The following TRPV4 variants were observed in gnomAD, a reference collection of about 807,000 sequenced individuals.
TRPV4 encodes the protein transient receptor potential cation channel subfamily V member 4, also known as OSM9-like transient receptor potential channel 4.
A neutral mutation model predicts 84.1 loss-of-function variants in TRPV4; 58 were observed. That is an observed-to-expected ratio of 0.69 (90% CI 0.56 to 0.86). The LOEUF (loss-of-function observed/expected upper bound fraction) is 0.86, where lower values mean the gene tolerates loss of function less well. Among genes scored for constraint, TRPV4 ranks in the 40% least tolerant of loss-of-function variants. The pLI, the probability that TRPV4 is intolerant of heterozygous loss-of-function variation, is 0.00. For synonymous variants in TRPV4, 489 were observed against 500.9 expected (o/e 0.98, Z 0.32); for missense variants, 879 against 1,181.1 (o/e 0.74, Z 3.75).
intron 3 of TRPV4, among the ~76,000 whole-genome samples, chr12:109,807,297 C>G (rs1375695938): frequency 1.3e-5 from 2 of 149,392 alleles, no homozygotes; most frequent in African/African-American, 4.9e-5. Context: ...AAAAAAGCCT[C>G]TTCTGACATC....
intron 5 of TRPV4, among the ~76,000 whole-genome samples, chr12:109,800,306 C>T (rs1013695388): frequency 1.3e-5 from 2 of 152,160 alleles, no homozygotes; most frequent in Non-Finnish European, 2.9e-5. Flanking sequence ...TCTCAAACTC[C>T]TGCCCTCAAG....
intron 2 of TRPV4, among the ~76,000 whole-genome samples, chr12:109,812,512 T>G (rs928005418): frequency 6.6e-6 from 1 of 152,018 alleles, no homozygotes; most frequent in Non-Finnish European, 1.5e-5. Flanking sequence ...GATGGATGGA[T>G]GAATAGATGC....
At chr12:109,828,462 C>T (rs1892326057) in intron 1 of TRPV4, among the ~76,000 whole-genome samples, 1 of 152,160 alleles carries the variant, frequency 6.6e-6, no homozygotes, top group African/African-American at 2.4e-5. Context: ...GGTGCCAGCT[C>T]ATGGGCTGCA....
At chr12:109,821,189 C>A (rs1442076737) in intron 1 of TRPV4, among the ~76,000 whole-genome samples, 1 of 152,254 alleles carries the variant, frequency 6.6e-6, no homozygotes, top group African/African-American at 2.4e-5. Flanking sequence ...ATCCAGGGAG[C>A]TGGTTTCTCC....
intron 12 of TRPV4, among the ~76,000 whole-genome samples, chr12:109,789,255 G>A (rs1889889508): frequency 6.6e-6 from 1 of 152,170 alleles, no homozygotes; most frequent in Admixed American, 6.5e-5. Flanking sequence ...CTGGCATCAG[G>A]TGGGTGGAGG....
chr12:109,799,346 G>A (rs1286053383), intron 5 of TRPV4, among the ~76,000 whole-genome samples: 3 of 151,960 alleles, frequency 2.0e-5, no homozygotes, highest in Non-Finnish European at 2.9e-5. Flanking sequence ...GCAGGATTTC[G>A]CCATGTTGGC....
chr12:109,814,916 C>T lies in TRPV4; in HGVS notation c.-31-89G>A. 1 of 1,261,028 alleles carries T rather than the reference C, an allele frequency of 7.9e-7. No homozygotes were observed. The highest frequency in any genetic ancestry group is 1.1e-6 in the Non-Finnish European group (1 of 915,166). 78.1% of individuals were successfully genotyped at this position (1,261,028 alleles called of 1,614,324 possible). ...CCTCCCACGTGGACAAGCAGCAGTGCTGCCAGCTGCTTCAAAGCCACCGTT... is the reference window on the plus strand; with the variant it reads ...CCTCCCACGTGGACAAGCAGCAGTGTTGCCAGCTGCTTCAAAGCCACCGTT... On this transcript the variant is annotated intron_variant, in intron 1 of 15. Transcript: ENST00000261740. This position sits in a 1 kb window ranked among gnomAD's most constrained non-coding sequence, Gnocchi z 5.4.
chr12:109,814,616 C>A lies in TRPV4; in HGVS notation c.181G>T (p.Gly61Cys). 1 of 1,614,042 alleles carries A rather than the reference C, an allele frequency of 6.2e-7. No homozygotes were observed. The highest frequency in any genetic ancestry group is 8.5e-7 in the Non-Finnish European group (1 of 1,179,998). ...ATGCGCAGATTTGGTCGCCCATCGC[C>A]TGGGCCAGCAGGGCGACTGGCATCA... ...PADASRPAGPGDGRPNLRMKF... is the reference protein window; with the variant it reads ...PADASRPAGPCDGRPNLRMKF... Residue 61 changes from glycine (G) to cysteine (C), a missense_variant, in exon 2 of 16, where the codon GGC becomes TGC. This residue lies in a region of TRPV4 where 107 missense variants were observed against 99.4 expected (regional missense o/e 1.08). Transcript: ENST00000261740. This position sits in a 1 kb window ranked among gnomAD's most constrained non-coding sequence, Gnocchi z 5.4.
intron 1 of TRPV4, among the ~76,000 whole-genome samples, chr12:109,818,766 C>T (rs1891969828): frequency 6.6e-6 from 1 of 152,132 alleles, no homozygotes; most frequent in African/African-American, 2.4e-5. Flanking sequence ...TGATATGGTC[C>T]TGATTTACCT....
rs192553102 is a variant in TRPV4 at position 109,808,558 on chromosome 12, G to A, written c.387-90C>T. On this transcript the variant is annotated intron_variant, in intron 2 of 15. Transcript: ENST00000261740. ...CCTTAGGGACCCAGAGACTGTGGTGGCGGGCAGGCAGCTGAAGCCTTACAA... is the reference window on the plus strand; with the variant it reads ...CCTTAGGGACCCAGAGACTGTGGTGACGGGCAGGCAGCTGAAGCCTTACAA... The A allele has an allele frequency of 2.1e-3, 2,781 of 1,346,112 alleles. 4 individuals carry two copies. Among genetic ancestry groups the A allele is most frequent in the Non-Finnish European group, 2.7e-3 (2,602 of 978,970 alleles). The allele number at this position is 1,346,112 out of a possible 1,614,324, so 83.4% of individuals were successfully genotyped here.
Position 109,820,514 on chromosome 12 carries a change from C to CTTTTTTTTTTTTTTTTTT in TRPV4, c.-31-5688_-31-5687insAAAAAAAAAAAAAAAAAA, listed in dbSNP as rs1186445597. On this transcript the variant is annotated intron_variant, in intron 1 of 15. Transcript: ENST00000261740. ...CTGATCTTCACTTTCTTCAGCTGCC[C>CTTTTTTTTTTTTTTTTTT]TATTTTTTTTTTTTTTTTTTTTTTT... Among the ~76,000 whole-genome samples the CTTTTTTTTTTTTTTTTTT allele has an allele frequency of 3.5e-4, 43 of 123,140 alleles. 4 individuals carry two copies. The highest frequency in any genetic ancestry group is 8.0e-4 in the African/African-American group (26 of 32,596). 80.8% of individuals were successfully genotyped at this position (123,140 alleles called of 152,430 possible). A position where few individuals can be genotyped will look rare whatever the true frequency, so the allele number is the denominator to read the frequency against.
chr12:109,793,930 G>A lies in TRPV4; in HGVS notation c.1584C>T (p.Asn528=), dbSNP rs142749412. 128 of 1,607,484 alleles carry A rather than the reference G, an allele frequency of 8.0e-5. 1 individual carries two copies. The highest frequency in any genetic ancestry group is 5.3e-4 in the African/African-American group (40 of 74,944). ...LFTGVLFFFT[N]IKDLFMKKCP... is the part of the protein sequence containing the mutation. ...GGGGGCACGGGGGCCAGGCACTTAC[G>A]TTGGTGAAGAAGAACAGGACCCCAG... The change falls in exon 9 of 16, where the codon AAC becomes AAT. Residue 528 remains asparagine (N), a splice_region_variant and synonymous_variant. Transcript: ENST00000261740. The surrounding 1 kb of genome is among the most constrained non-coding windows in gnomAD (Gnocchi z 4.0).
chr12:109,805,264 T>C (rs540515785), intron 3 of TRPV4, among the ~76,000 whole-genome samples: 2 of 152,314 alleles, frequency 1.3e-5, no homozygotes, highest in East Asian at 3.9e-4. Flanking sequence ...TTAACACACA[T>C]TGAATGAAGG....
At chr12:109,809,081 T>TCATC (rs1212651546) in intron 2 of TRPV4, among the ~76,000 whole-genome samples, 3 of 99,524 alleles carry the variant, frequency 3.0e-5, no homozygotes, top group Non-Finnish European at 4.0e-5. Context: ...ATCTGCCCAC[T>TCATC]CATCCATCCA....
chr12:109,794,411 G>T lies in TRPV4; in HGVS notation c.1409C>A (p.Ser470Tyr). ...RDKWRKFGAVSFYINVVSYLC... is the reference protein window; with the variant it reads ...RDKWRKFGAVYFYINVVSYLC... ...GTAGGAGACCACGTTGATGTAGAAG[G>T]AGACGGCCCCGAACTTGCGCCACTT... Residue 470 changes from serine (S) to tyrosine (Y), a missense_variant, in exon 8 of 16, where the codon TCC (serine) becomes TAC (tyrosine). Ser to Tyr is a moderately radical substitution (Grantham distance 144, BLOSUM62 -2). Around this residue, in one of 4 missense-constraint regions of TRPV4, gnomAD observed 521 missense variants for 686.6 expected, o/e 0.76. Transcript: ENST00000261740. 1 of 1,614,062 alleles carries T rather than the reference G, an allele frequency of 6.2e-7. No individual in the cohort carries two copies. The highest frequency in any genetic ancestry group is 8.5e-7 in the Non-Finnish European group (1 of 1,180,032).
At position 109,784,383 on chromosome 12, in the gene TRPV4, C is replaced by T. The variant is rs781358829; in HGVS notation, c.2391G>A (p.Glu797=). Residue 797 remains glutamate (E), a synonymous_variant, in exon 15 of 16, where the codon GAG becomes GAA. Transcript: ENST00000261740. The part of the protein sequence containing the change: ...HWNQNLGIIN[E]DPGKNETYQY... The stretch of plus-strand genomic sequence containing the variant: ...GGTAGGTCTCATTCTTGCCCGGGTC[C>T]TCGTTGATGATGCCCAAGTTCTGGT... 10 of 1,614,088 alleles carry T rather than the reference C, an allele frequency of 6.2e-6. No individual in the cohort carries two copies. Among genetic ancestry groups the T allele is most frequent in the South Asian group, 1.1e-5 (1 of 91,082 alleles).
At chr12:109,816,252 C>T (rs1246204467) in intron 1 of TRPV4, among the ~76,000 whole-genome samples, 1 of 152,210 alleles carries the variant, frequency 6.6e-6, no homozygotes, top group Non-Finnish European at 1.5e-5. Flanking sequence ...TGGGGGTGGG[C>T]TTCCCTTTGG....
intron 4 of TRPV4, 59 bp from the exon 5 acceptor site, chr12:109,800,817 C>G: frequency 1.1e-6 from 1 of 917,258 alleles, no homozygotes; most frequent in African/African-American, 2.4e-5. Flanking sequence ...GCCAGGCTTG[C>G]TGGGGGTGGG....
In TRPV4 at chr12:109,783,591, G is replaced by C. The variant is rs1372574581; in HGVS notation, c.*30C>G. On this transcript the variant is annotated 3_prime_UTR_variant, in exon 16 of 16. Transcript: ENST00000261740. This position sits in a 1 kb window ranked among gnomAD's most constrained non-coding sequence, Gnocchi z 4.6. ...AATGCGGCTGGACTAGAAATGAGTG[G>C]GCAGAGAAGCTGGGGCTGGGCTGCA... The C allele has an allele frequency of 1.9e-6, 3 of 1,605,928 alleles. No homozygotes were observed. In the African/African-American group the frequency reaches 4.0e-5, roughly 21 times the overall value.
Sources: allele counts gnomAD v4.1 joint callset (sites outside exome capture counted in the v4.1 genomes callset), GRCh38; gene constraint gnomAD v4.1.1; regional missense constraint gnomAD v4.1.1; non-coding constraint Gnocchi (gnomAD v3.1); transcripts MANE v1.5; gene names NCBI Gene and HGNC (gene_info 2026-07-23, HGNC 2026-07-21).